Variants in ADAM18 observed in about 807,000 individuals in gnomAD.
ADAM18 encodes the protein ADAM metallopeptidase domain 18, also known as disintegrin and metalloproteinase domain-containing protein 18.
A neutral mutation model predicts 94.4 loss-of-function variants in ADAM18; 117 were observed. The observed-to-expected ratio is 1.24, with a 90% CI of 1.07 to 1.45. The LOEUF (loss-of-function observed/expected upper bound fraction) is 1.45. ADAM18 is among the 40% of genes most tolerant of loss of function. The pLI is 0.00. For synonymous variants in ADAM18, 327 were observed against 291.6 expected (o/e 1.12, Z -1.24); for missense variants, 936 against 880.0 (o/e 1.06, Z -0.81).
intron 14 of ADAM18, among the ~76,000 whole-genome samples, chr8:39,674,766 C>G (rs1821254386): frequency 6.6e-6 from 1 of 152,084 alleles, no homozygotes; most frequent in Non-Finnish European, 1.5e-5. Context: ...AGTACCAGTT[C>G]TTTCTTTCTG....
At chr8:39,635,348 T>C (rs1210006599) in intron 7 of ADAM18, among the ~76,000 whole-genome samples, 2 of 152,234 alleles carry the variant, frequency 1.3e-5, no homozygotes, top group Admixed American at 6.5e-5. Context: ...TAAAAATTGG[T>C]ATATTTGTAG....
chr8:39,624,693 A>G (rs996137191), intron 6 of ADAM18, among the ~76,000 whole-genome samples: 4 of 152,170 alleles, frequency 2.6e-5, no homozygotes, highest in African/African-American at 9.7e-5. Flanking sequence ...GTGGAAGGTG[A>G]TTAGATCACG....
intron 14 of ADAM18, among the ~76,000 whole-genome samples, chr8:39,672,551 A>G (rs1343060038): frequency 1.3e-5 from 2 of 152,198 alleles, no homozygotes; most frequent in Admixed American, 6.5e-5. Context: ...AAGGAAATGT[A>G]TAAAAATAGA....
intron 6 of ADAM18, among the ~76,000 whole-genome samples, chr8:39,620,412 A>T (rs1819580823): frequency 6.8e-6 from 1 of 147,514 alleles, no homozygotes; most frequent in African/African-American, 2.5e-5. Context: ...GAAAAAATGT[A>T]AAAAAAAACC....
intron 2 of ADAM18, 89 bp downstream of exon 2, chr8:39,585,441 A>G: frequency 1.1e-6 from 1 of 909,694 alleles, no homozygotes; most frequent in Non-Finnish European, 1.7e-6. Flanking sequence ...ACTAATTTGT[A>G]TTCATTGCCA....
intron 14 of ADAM18, among the ~76,000 whole-genome samples, chr8:39,672,873 G>C (rs1207505923): frequency 1.3e-5 from 2 of 152,162 alleles, no homozygotes; most frequent in African/African-American, 4.8e-5. Context: ...TGAGAGTGAG[G>C]ACTTAGAGAC....
intron 15 of ADAM18, 35 bp downstream of exon 15, chr8:39,677,571 A>G: frequency 6.8e-7 from 1 of 1,473,584 alleles, no homozygotes; most frequent in Non-Finnish European, 9.2e-7. Flanking sequence ...TCTTTGAATC[A>G]TAAAAATTAT....
intron 18 of ADAM18, among the ~76,000 whole-genome samples, chr8:39,716,755 T>A (rs1822590590): frequency 6.6e-6 from 1 of 151,924 alleles, no homozygotes; most frequent in South Asian, 2.1e-4. Context: ...TTCTTATTGA[T>A]CTTCTGTTGG....
At chr8:39,715,042 A>C (rs1822532662) in intron 18 of ADAM18, among the ~76,000 whole-genome samples, 1 of 152,038 alleles carries the variant, frequency 6.6e-6, no homozygotes, top group African/African-American at 2.4e-5. Flanking sequence ...TCTCAAGACC[A>C]CACAGAACAT....
chr8:39,689,234 G>T (rs1204216134), intron 16 of ADAM18, among the ~76,000 whole-genome samples: 1 of 152,070 alleles, frequency 6.6e-6, no homozygotes, highest in African/African-American at 2.4e-5. Context: ...GTTAATTTTT[G>T]CTTTTGTTGC....
chr8:39,665,979 A>G (rs1820984892), intron 13 of ADAM18, among the ~76,000 whole-genome samples: 1 of 152,100 alleles, frequency 6.6e-6, no homozygotes, highest in African/African-American at 2.4e-5. Flanking sequence ...CTTGTACCTG[A>G]AGACCTCCCT....
chr8:39,617,325 A>T (rs965214593), intron 6 of ADAM18, among the ~76,000 whole-genome samples: 1 of 152,196 alleles, frequency 6.6e-6, no homozygotes, highest in Non-Finnish European at 1.5e-5. Context: ...AATGGCTATT[A>T]CTAAAAAGAA....
chr8:39,705,103 TCTA>T (rs1822203435), intron 17 of ADAM18, among the ~76,000 whole-genome samples: 1 of 152,172 alleles, frequency 6.6e-6, no homozygotes, highest in African/African-American at 2.4e-5. Context: ...GAAACTCTGT[TCTA>T]CTATACAGTT....
At chr8:39,586,877 T>G (rs534147672) in intron 2 of ADAM18, among the ~76,000 whole-genome samples, 17 of 152,290 alleles carry the variant, frequency 1.1e-4, no homozygotes, top group Middle Eastern at 3.4e-3. Context: ...GCATAATCAC[T>G]GTAAACTTCA....
At chr8:39,714,375 A>G (rs569233833) in intron 18 of ADAM18, among the ~76,000 whole-genome samples, 2 of 152,136 alleles carry the variant, frequency 1.3e-5, no homozygotes, top group Non-Finnish European at 1.5e-5. Flanking sequence ...CCAACATAGC[A>G]CATGCATACC....
intron 1 of ADAM18, among the ~76,000 whole-genome samples, 170 bp from the exon 2 acceptor site, chr8:39,585,106 C>T (rs1305639381): frequency 6.6e-6 from 1 of 151,968 alleles, no homozygotes; most frequent in East Asian, 1.9e-4. Context: ...TTTCAATGTG[C>T]TGTTGATTAT....
chr8:39,589,865 C>A lies in ADAM18; in HGVS notation c.132+4513C>A, dbSNP rs573844232. ...ATCATCACTGGCCATCAGAGAAATG[C>A]AAATCAAAACCACAATGAGATACCA... On this transcript the variant is annotated intron_variant, in intron 2 of 19. Coordinates refer to ENST00000265707, the MANE Select transcript of ADAM18 (RefSeq NM_014237.3). 4.0e-4 allele frequency among the ~76,000 whole-genome samples: 61 copies of A among 151,728 alleles called. 1 individual carries two copies. The South Asian group carries it at 0.012, about 30-fold the overall frequency.
intron 19 of ADAM18, among the ~76,000 whole-genome samples, chr8:39,726,348 A>G (rs569370858): frequency 8.7e-4 from 132 of 151,586 alleles, no homozygotes; most frequent in African/African-American, 3.2e-3. Flanking sequence ...GGCTTGTCTA[A>G]ACTCTTGAGC....
intron 12 of ADAM18, among the ~76,000 whole-genome samples, chr8:39,651,125 C>T (rs545097407): frequency 6.6e-6 from 1 of 152,216 alleles, no homozygotes; most frequent in African/African-American, 2.4e-5. Flanking sequence ...TGTGTATATA[C>T]ATAAACATCT....
Sources: gnomAD v4.1 joint callset for allele counts (sites outside exome capture counted in the v4.1 genomes callset) on GRCh38, gnomAD v4.1.1 for gene constraint, MANE v1.5 for transcripts, NCBI Gene and HGNC (gene_info 2026-07-23, HGNC 2026-07-21) for gene names.